The following RIPOR2 variants were observed in gnomAD, a reference collection of about 807,000 sequenced individuals.
The protein encoded by RIPOR2 is rho family-interacting cell polarization regulator 2.
RIPOR2 carries 39 observed loss-of-function variants against 114.5 expected under a neutral mutation model. The ratio of observed to expected loss-of-function variants is 0.34; its 90% CI spans 0.26 to 0.44. The LOEUF is 0.44. RIPOR2 is among the 20% of genes least tolerant of loss of function. The pLI is 1.00. For missense variants in RIPOR2, 1,007 were observed against 1,255.1 expected (o/e 0.80, Z 2.99); for synonymous variants, 445 against 484.4 (o/e 0.92, Z 1.07).
intron 7 of RIPOR2, among the ~76,000 whole-genome samples, chr6:24,864,285 G>A (rs921062035): frequency 3.3e-5 from 5 of 152,062 alleles, no homozygotes; most frequent in Admixed American, 6.5e-5. Context: ...AGCCAAGATC[G>A]CGCCACTGCA....
intron 1 of RIPOR2, among the ~76,000 whole-genome samples, chr6:24,923,481 C>T (rs1055141775): frequency 1.4e-4 from 22 of 152,034 alleles, no homozygotes; most frequent in South Asian, 1.0e-3. Context: ...ATTTTACATT[C>T]CCACCAAAAG....
At chr6:24,820,523 A>G (rs1322123055) in intron 19 of RIPOR2, among the ~76,000 whole-genome samples, 1 of 152,160 alleles carries the variant, frequency 6.6e-6, no homozygotes, top group Non-Finnish European at 1.5e-5. Flanking sequence ...AGTCATTCCC[A>G]AGACCCTTTC....
At chr6:24,999,994 T>C (rs1347594093) in intron 1 of RIPOR2, among the ~76,000 whole-genome samples, 1 of 152,238 alleles carries the variant, frequency 6.6e-6, no homozygotes, top group Non-Finnish European at 1.5e-5. Context: ...GCCAGCTGAC[T>C]GAGATTTTTA....
intron 11 of RIPOR2, among the ~76,000 whole-genome samples, chr6:24,848,425 C>T (rs1201075924): frequency 1.3e-5 from 2 of 152,186 alleles, no homozygotes; most frequent in African/African-American, 2.4e-5. Context: ...ACCCGTTCCT[C>T]ATTAACATTA....
intron 1 of RIPOR2, among the ~76,000 whole-genome samples, chr6:24,995,202 G>C (rs1182052865): frequency 6.6e-6 from 1 of 152,202 alleles, no homozygotes; most frequent in African/African-American, 2.4e-5. Flanking sequence ...TCTGCTGTTT[G>C]CTTTGCCTCT....
chr6:24,860,843 G>T (rs1763999452), intron 8 of RIPOR2, 130 bp downstream of exon 8: 1 of 599,618 alleles, frequency 1.7e-6, no homozygotes, highest in Admixed American at 3.1e-5. Context: ...ATCAAAAGTG[G>T]GGTGGGTTGA....
intron 20 of RIPOR2, among the ~76,000 whole-genome samples, chr6:24,810,719 A>G (rs1281948656): frequency 1.3e-5 from 2 of 152,142 alleles, no homozygotes; most frequent in East Asian, 1.9e-4. Flanking sequence ...AAAGCACCCA[A>G]ATAGCAATCA....
intron 1 of RIPOR2, among the ~76,000 whole-genome samples, chr6:24,961,917 G>A (rs1016364116): frequency 2.6e-5 from 4 of 152,124 alleles, no homozygotes; most frequent in Admixed American, 6.5e-5. Flanking sequence ...ATGAGCCACC[G>A]CACCTCGCCT....
chr6:25,034,501 C>T (rs1388803405), intron 1 of RIPOR2, among the ~76,000 whole-genome samples: 1 of 152,264 alleles, frequency 6.6e-6, no homozygotes, highest in East Asian at 1.9e-4. Flanking sequence ...CAACTTGATA[C>T]ACTAGCTTAA....
At chr6:24,842,743 G>A (rs1438986887) in intron 13 of RIPOR2, 119 bp downstream of exon 13, 2 of 467,556 alleles carry the variant, frequency 4.3e-6, no homozygotes, top group East Asian at 6.7e-5. Flanking sequence ...ATGATGATGA[G>A]CTATTAATCC....
chr6:24,986,398 A>T (rs868548667), intron 1 of RIPOR2, among the ~76,000 whole-genome samples: 1 of 152,332 alleles, frequency 6.6e-6, no homozygotes. Flanking sequence ...AGGATTAGAC[A>T]TTGTTGTTTT....
chr6:24,864,957 TTTATTTTA>T (rs1764433699), intron 7 of RIPOR2, among the ~76,000 whole-genome samples: 1 of 152,180 alleles, frequency 6.6e-6, no homozygotes, highest in South Asian at 2.1e-4. Context: ...TTCATTTTAT[TTTATTTTA>T]GAGATGTGGC....
chr6:24,832,069 G>T (rs1760732246), intron 16 of RIPOR2, among the ~76,000 whole-genome samples, 187 bp downstream of exon 16: 1 of 152,214 alleles, frequency 6.6e-6, no homozygotes, highest in African/African-American at 2.4e-5. Context: ...CTGTGTGTCT[G>T]CTGCTTTGAC....
In RIPOR2 at chr6:25,029,387, A is replaced by T. The variant is rs142693249; in HGVS notation, c.76+12464T>A. ...GCCGCTGCACTCCAACCTGGACGAC[A>T]GAGCGAGACTCCGTCTCAAAAAAGA... is the stretch of plus-strand genomic sequence containing the variant. On this transcript the variant is annotated intron_variant, in intron 1 of 13. Transcript: ENST00000510784. 1.8e-4 allele frequency among the ~76,000 whole-genome samples: 26 copies of T among 145,776 alleles called. 2 individuals are homozygous for T. In the East Asian group the frequency reaches 5.3e-3, roughly 30 times the overall value.
chr6:24,889,707 A>G (rs550349882), intron 1 of RIPOR2, among the ~76,000 whole-genome samples: 1 of 152,188 alleles, frequency 6.6e-6, no homozygotes, highest in South Asian at 2.1e-4. Context: ...AGATGTTTTT[A>G]TTAAGGAAAC....
intron 1 of RIPOR2, among the ~76,000 whole-genome samples, chr6:24,966,048 CAG>C (rs2114229610): frequency 6.6e-6 from 1 of 152,286 alleles, no homozygotes; most frequent in African/African-American, 2.4e-5. Context: ...ATTAGAAAAA[CAG>C]AATGAGATTG....
intron 1 of RIPOR2, among the ~76,000 whole-genome samples, chr6:24,880,207 T>C (rs955646451): frequency 2.6e-5 from 4 of 152,090 alleles, no homozygotes; most frequent in African/African-American, 9.7e-5. Flanking sequence ...ATGTTAATAG[T>C]AATGGAAAAA....
In RIPOR2 at chr6:24,961,874, G is replaced by A. The variant is rs184299029; in HGVS notation, c.76+79977C>T. On this transcript the variant is annotated intron_variant, in intron 1 of 13. Coordinates refer to the RIPOR2 transcript ENST00000510784. Reference sequence around the variant, plus strand: ...ACTCCTGACCTCAGGTAATCTGCCCGTCTTGGCCTCCCAAAGTGCTGGGAT... The same window carrying A: ...ACTCCTGACCTCAGGTAATCTGCCCATCTTGGCCTCCCAAAGTGCTGGGAT... Among the ~76,000 whole-genome samples the A allele has an allele frequency of 2.1e-3, 313 of 152,208 alleles. 5 individuals carry two copies. The highest frequency in any genetic ancestry group is 0.019 in the East Asian group (98 of 5,186).
intron 1 of RIPOR2, among the ~76,000 whole-genome samples, chr6:25,002,330 A>G (rs1775358933): frequency 6.6e-6 from 1 of 152,228 alleles, no homozygotes; most frequent in Admixed American, 6.5e-5. Flanking sequence ...TATGTCCTCC[A>G]ACTCGTAGAC....
Sources: gnomAD v4.1 joint callset for allele counts (sites outside exome capture counted in the v4.1 genomes callset) on GRCh38, gnomAD v4.1.1 for gene constraint, MANE v1.5 for transcripts, NCBI Gene and HGNC (gene_info 2026-07-23, HGNC 2026-07-21) for gene names.